The following LARGE1 variants were observed in gnomAD, a reference collection of about 807,000 sequenced individuals.
The protein encoded by LARGE1 is xylosyl- and glucuronyltransferase LARGE1.
Under a neutral mutation model 87.6 loss-of-function variants are expected in LARGE1, and 43 were observed. The ratio of observed to expected loss-of-function variants is 0.49; its 90% CI spans 0.38 to 0.63. The LOEUF (loss-of-function observed/expected upper bound fraction) is 0.63, where lower values mean the gene tolerates loss of function less well. Among genes scored for constraint, LARGE1 ranks in the 30% least tolerant of loss-of-function variants. The pLI, the probability that LARGE1 is intolerant of heterozygous loss-of-function variation, is 0.00. For synonymous variants in LARGE1, 434 were observed against 394.6 expected, an observed-to-expected ratio of 1.10 and a Z score of -1.18; for missense variants, 802 against 1,000.2, an observed-to-expected ratio of 0.80 and a Z score of 2.67.
At chr22:33,806,722 T>G (rs1396100698) in intron 1 of LARGE1, among the ~76,000 whole-genome samples, 1 of 152,162 alleles carries the variant, frequency 6.6e-6, no homozygotes, top group African/African-American at 2.4e-5. Flanking sequence ...CTTCAAATCC[T>G]CTTCCTTGGC....
chr22:33,809,277 A>AAT (rs11433667), intron 1 of LARGE1, among the ~76,000 whole-genome samples: 1 of 151,654 alleles, frequency 6.6e-6, no homozygotes, highest in Non-Finnish European at 1.5e-5. Context: ...TCTCAAAAAA[A>AAT]AAAAAATCAG....
chr22:33,208,683 A>G (rs1001771026), intron 11 of LARGE1, among the ~76,000 whole-genome samples: 1 of 152,010 alleles, frequency 6.6e-6, no homozygotes, highest in Non-Finnish European at 1.5e-5. Context: ...TCAACCTGTC[A>G]TCTACATTAG....
chr22:33,528,579 CAT>C (rs1224800001), intron 6 of LARGE1, among the ~76,000 whole-genome samples: 1 of 152,128 alleles, frequency 6.6e-6, no homozygotes, highest in Non-Finnish European at 1.5e-5. Flanking sequence ...GCACATTCTC[CAT>C]AGACTGGCCA....
At chr22:33,777,674 G>C (rs113668635) in intron 1 of LARGE1, among the ~76,000 whole-genome samples, 1 of 99,886 alleles carries the variant, frequency 1.0e-5, no homozygotes, top group Admixed American at 9.3e-5. Context: ...GGAAGGGGAA[G>C]GAGAAGGAGA....
intron 1 of LARGE1, among the ~76,000 whole-genome samples, chr22:33,912,330 C>T (rs1221361871): frequency 2.0e-5 from 3 of 152,140 alleles, no homozygotes; most frequent in African/African-American, 4.8e-5. Flanking sequence ...CAGAATAACA[C>T]TCAAGAGCCC....
At chr22:33,379,113 T>G (rs1212972108) in intron 9 of LARGE1, among the ~76,000 whole-genome samples, 1 of 151,740 alleles carries the variant, frequency 6.6e-6, no homozygotes, top group East Asian at 1.9e-4. Context: ...TTTAAAGAGC[T>G]TGATTTCTAG....
At chr22:33,904,748 C>T (rs1027282131) in intron 1 of LARGE1, among the ~76,000 whole-genome samples, 1 of 152,092 alleles carries the variant, frequency 6.6e-6, no homozygotes, top group African/African-American at 2.4e-5. Context: ...ATAATTTGTA[C>T]CTGAAACAGT....
intron 2 of LARGE1, among the ~76,000 whole-genome samples, chr22:33,684,923 G>A (rs905489248): frequency 3.3e-5 from 5 of 152,186 alleles, no homozygotes; most frequent in African/African-American, 1.2e-4. Context: ...GATGAATGAT[G>A]TCTGCTGAGG....
intron 6 of LARGE1, among the ~76,000 whole-genome samples, chr22:33,519,499 AAGT>A (rs1321561197): frequency 9.2e-5 from 14 of 152,130 alleles, no homozygotes; most frequent in African/African-American, 3.4e-4. Context: ...CCATAAAATA[AAGT>A]ACCAGCCCCT....
At chr22:33,609,701 C>A (rs949931526) in intron 4 of LARGE1, among the ~76,000 whole-genome samples, 2 of 151,948 alleles carry the variant, frequency 1.3e-5, no homozygotes, top group Non-Finnish European at 2.9e-5. Flanking sequence ...GATATTTTTC[C>A]CCATCCAAAT....
At chr22:33,230,529 A>G (rs1321734878) in intron 11 of LARGE1, among the ~76,000 whole-genome samples, 1 of 152,212 alleles carries the variant, frequency 6.6e-6, no homozygotes, top group Non-Finnish European at 1.5e-5. Flanking sequence ...GAAAACAAAC[A>G]TGTCTTTTTC....
In LARGE1 at chr22:33,550,695, T is replaced by C. The variant is rs1038203403; in HGVS notation, c.787+14153A>G. Among the ~76,000 whole-genome samples the C allele has an allele frequency of 2.0e-4, 30 of 152,160 alleles. 2 individuals are homozygous for C. ...TCAATCCAGCAATCCCACCACTAGATATCTAACCAAAGGAAAAAGAAATCA... is the reference window on the plus strand; with the variant it reads ...TCAATCCAGCAATCCCACCACTAGACATCTAACCAAAGGAAAAAGAAATCA... On this transcript the variant is annotated intron_variant, in intron 6 of 14. Transcript: ENST00000397394.
rs115048091 is a variant in LARGE1 at position 33,606,553 on chromosome 22, G to C, written c.492-1995C>G. Among the ~76,000 whole-genome samples, 824 of 152,148 alleles carry C rather than the reference G, an allele frequency of 5.4e-3. 9 individuals carry two copies. Among genetic ancestry groups the C allele is most frequent in the African/African-American group, 0.019 (782 of 41,502 alleles). Reference sequence around the variant, plus strand: ...CTCCCCACACCTGTCCTATGTTCCAGACATACAGACCATCTCTCAGTTTCC... The same window carrying C: ...CTCCCCACACCTGTCCTATGTTCCACACATACAGACCATCTCTCAGTTTCC... On this transcript the variant is annotated intron_variant, in intron 4 of 14. Transcript: ENST00000397394.
chr22:33,447,025 T>C (rs1017870598), intron 6 of LARGE1, among the ~76,000 whole-genome samples: 2 of 152,282 alleles, frequency 1.3e-5, no homozygotes, highest in Middle Eastern at 3.4e-3. Context: ...TCCCATGTAG[T>C]TGGAACTACA....
chr22:33,458,173 C>G (rs1358574856), intron 6 of LARGE1, among the ~76,000 whole-genome samples: 1 of 147,546 alleles, frequency 6.8e-6, no homozygotes, highest in Non-Finnish European at 1.5e-5. Context: ...GTGGCATGAT[C>G]TCGGCTCACT....
chr22:33,289,596 G>C (rs1409509097), intron 12 of LARGE1, among the ~76,000 whole-genome samples: 1 of 152,182 alleles, frequency 6.6e-6, no homozygotes, highest in Non-Finnish European at 1.5e-5. Flanking sequence ...AGTGAAGGAG[G>C]ATTCAGAGAA....
intron 10 of LARGE1, among the ~76,000 whole-genome samples, chr22:33,334,648 T>C (rs1423197573): frequency 6.6e-6 from 1 of 152,106 alleles, no homozygotes; most frequent in African/African-American, 2.4e-5. Context: ...ATGTGGCCCA[T>C]GCATAGTGGT....
intron 1 of LARGE1, among the ~76,000 whole-genome samples, chr22:33,778,386 C>G: frequency 6.6e-6 from 1 of 152,160 alleles, no homozygotes; most frequent in Admixed American, 6.5e-5. Flanking sequence ...CAATTCATGG[C>G]ATTTAGTACA....
chr22:33,327,070 G>A (rs187744357), intron 10 of LARGE1, among the ~76,000 whole-genome samples: 13 of 152,340 alleles, frequency 8.5e-5, no homozygotes, highest in Admixed American at 3.3e-4. Context: ...CGGCTCGCAC[G>A]TGAGAGCAGG....
Sources: gnomAD v4.1 joint callset for allele counts (sites outside exome capture counted in the v4.1 genomes callset) on GRCh38, gnomAD v4.1.1 for gene constraint, MANE v1.5 for transcripts, NCBI Gene and HGNC (gene_info 2026-07-23, HGNC 2026-07-21) for gene names.